The following NCAM2 variants were observed in gnomAD, a reference collection of about 807,000 sequenced individuals.
NCAM2 encodes the protein N-CAM-2.
A neutral mutation model predicts 98.1 loss-of-function variants in NCAM2; 30 were observed. The ratio of observed to expected loss-of-function variants is 0.31; its 90% CI spans 0.23 to 0.41. NCAM2 has a LOEUF of 0.41. Among genes scored for constraint, NCAM2 ranks in the 10% least tolerant of loss-of-function variants. NCAM2 has a pLI of 1.00. For missense variants in NCAM2, 867 were observed against 1,005.8 expected (o/e 0.86, Z 1.87); for synonymous variants, 368 against 342.4 (o/e 1.07, Z -0.83).
intron 1 of NCAM2, among the ~76,000 whole-genome samples, chr21:21,195,726 A>G (rs1467883709): frequency 6.6e-6 from 1 of 152,208 alleles, no homozygotes; most frequent in East Asian, 1.9e-4. Flanking sequence ...TTGAACATGT[A>G]TTTTGACAGC....
intron 16 of NCAM2, among the ~76,000 whole-genome samples, chr21:21,525,052 T>C (rs890308446): frequency 6.6e-6 from 1 of 152,016 alleles, no homozygotes; most frequent in African/African-American, 2.4e-5. Context: ...TATATTAGAA[T>C]ATAAGAAAGA....
At chr21:21,326,932 T>C (rs908527368) in intron 6 of NCAM2, among the ~76,000 whole-genome samples, 4 of 152,156 alleles carry the variant, frequency 2.6e-5, no homozygotes, top group African/African-American at 9.7e-5. Context: ...TCAGGAAATG[T>C]AGGGTAGCAT....
intron 9 of NCAM2, among the ~76,000 whole-genome samples, chr21:21,377,329 C>A (rs2076055376): frequency 6.6e-6 from 1 of 151,736 alleles, no homozygotes; most frequent in Non-Finnish European, 1.5e-5. Context: ...AAAATCTATC[C>A]CTCCTTTTTA....
At chr21:21,386,468 A>C (rs1005759357) in intron 9 of NCAM2, among the ~76,000 whole-genome samples, 3 of 152,172 alleles carry the variant, frequency 2.0e-5, no homozygotes, top group Admixed American at 1.3e-4. Flanking sequence ...TTTAGGTTTT[A>C]TGTCCAGTAT....
At chr21:21,352,160 A>G (rs569062072) in intron 8 of NCAM2, among the ~76,000 whole-genome samples, 12 of 152,018 alleles carry the variant, frequency 7.9e-5, no homozygotes, top group Non-Finnish European at 1.3e-4. Flanking sequence ...TCAGCCCCCC[A>G]GTCTCAAGCA....
At chr21:21,510,114 A>T (rs1988268168) in intron 16 of NCAM2, among the ~76,000 whole-genome samples, 1 of 152,146 alleles carries the variant, frequency 6.6e-6, no homozygotes, top group African/African-American at 2.4e-5. Context: ...ATTTTCTTGA[A>T]TTTCAAAAAA....
chr21:21,048,710 C>A (rs2065045930), intron 1 of NCAM2, among the ~76,000 whole-genome samples: 1 of 152,154 alleles, frequency 6.6e-6, no homozygotes, highest in Non-Finnish European at 1.5e-5. Context: ...TATATACAAC[C>A]AAGCTGTACT....
chr21:21,196,362 G>A (rs1474862533), intron 1 of NCAM2, among the ~76,000 whole-genome samples: 1 of 152,196 alleles, frequency 6.6e-6, no homozygotes, highest in Non-Finnish European at 1.5e-5. Flanking sequence ...AGCCATTTCG[G>A]TTCCACAGCT....
chr21:21,153,864 G>A (rs563496242), intron 1 of NCAM2, among the ~76,000 whole-genome samples: 6 of 151,744 alleles, frequency 4.0e-5, no homozygotes, highest in South Asian at 2.1e-4. Flanking sequence ...GACTTAATTG[G>A]GCAGCTTTTA....
At chr21:21,024,923 A>T (rs1168797820) in intron 1 of NCAM2, among the ~76,000 whole-genome samples, 1 of 151,954 alleles carries the variant, frequency 6.6e-6, no homozygotes, top group East Asian at 1.9e-4. Context: ...TACGAAAAAA[A>T]GGTTTTGTTT....
chr21:21,010,411 A>G (rs969364641), intron 1 of NCAM2, among the ~76,000 whole-genome samples: 1 of 152,094 alleles, frequency 6.6e-6, no homozygotes, highest in Non-Finnish European at 1.5e-5. Context: ...TTAAAATAAC[A>G]CTTCTTAGTA....
At chr21:21,046,668 T>G (rs932861201) in intron 1 of NCAM2, among the ~76,000 whole-genome samples, 1 of 152,186 alleles carries the variant, frequency 6.6e-6, no homozygotes, top group African/African-American at 2.4e-5. Flanking sequence ...CAAAAACTCC[T>G]GTAGCTTATT....
Position 21,477,365 on chromosome 21 carries a change from G to T in NCAM2, c.1971G>T (p.Gln657His). The T allele has an allele frequency of 6.2e-7, 1 of 1,612,276 alleles. No homozygotes were observed. Among genetic ancestry groups the T allele is most frequent in the Non-Finnish European group, 8.5e-7 (1 of 1,178,728 alleles). The change falls in exon 15 of 18, where the codon CAG (glutamine) becomes CAT (histidine). Residue 657 changes from glutamine (Q) to histidine (H), a missense_variant. By Grantham distance (24) the Gln-to-His change is conservative. This residue lies in a region of NCAM2 where 234 missense variants were observed against 333.8 expected (regional missense o/e 0.70). Coordinates refer to ENST00000400546, the MANE Select transcript of NCAM2 (RefSeq NM_004540.5). ...NKDHIILEHL[Q>H]WTMGYEVQIT... ...ACCACATCATTTTGGAGCATCTCCA[G>T]TGGACCATGGGGTATGAAGTTCAGA...
chr21:21,030,977 G>A (rs1251814650), intron 1 of NCAM2, among the ~76,000 whole-genome samples: 3 of 152,232 alleles, frequency 2.0e-5, no homozygotes, highest in East Asian at 1.9e-4. Flanking sequence ...AAGGGCTCAG[G>A]TGAATAGATA....
intron 1 of NCAM2, among the ~76,000 whole-genome samples, chr21:21,247,736 A>G (rs1282375521): frequency 6.6e-6 from 1 of 152,144 alleles, no homozygotes; most frequent in Non-Finnish European, 1.5e-5. Flanking sequence ...CATCTGCTTT[A>G]TTTTTATTGT....
chr21:21,392,353 G>C (rs1375293983), intron 9 of NCAM2, among the ~76,000 whole-genome samples: 3 of 152,134 alleles, frequency 2.0e-5, no homozygotes, highest in African/African-American at 7.2e-5. Context: ...GTCTATCATT[G>C]ATGGACATTT....
chr21:21,171,018 T>C (rs2068107120), intron 1 of NCAM2, among the ~76,000 whole-genome samples: 1 of 152,220 alleles, frequency 6.6e-6, no homozygotes, highest in Non-Finnish European at 1.5e-5. Context: ...CTTTTCAGCT[T>C]TAAATTTGAT....
intron 1 of NCAM2, among the ~76,000 whole-genome samples, chr21:21,017,424 CAAAAAAAAAAAAA>C (rs11461275): frequency 1.7e-5 from 1 of 58,780 alleles, no homozygotes; most frequent in African/African-American, 7.7e-5. Flanking sequence ...GACTCTGTCT[CAAAAAAAAAAAAA>C]AAAAAAAAAA....
intron 12 of NCAM2, among the ~76,000 whole-genome samples, chr21:21,463,092 C>A (rs2146199946): frequency 6.6e-6 from 1 of 152,208 alleles, no homozygotes; most frequent in Non-Finnish European, 1.5e-5. Context: ...ATTTGAGGTA[C>A]AACTCTATTA....
Sources: gnomAD v4.1 joint callset for allele counts (sites outside exome capture counted in the v4.1 genomes callset) on GRCh38, gnomAD v4.1.1 for gene constraint, gnomAD v4.1.1 regional missense constraint, MANE v1.5 for transcripts, NCBI Gene and HGNC (gene_info 2026-07-23, HGNC 2026-07-21) for gene names.